Variants in RNF123 observed in about 807,000 individuals in gnomAD.
The protein encoded by RNF123 is E3 ubiquitin-protein ligase RNF123.
RNF123 carries 86 observed loss-of-function variants against 168.5 expected under a neutral mutation model. The observed-to-expected ratio is 0.51, with a 90% CI of 0.43 to 0.61. The LOEUF is 0.61. Ranked by LOEUF, RNF123 falls within the 20% of genes least tolerant of loss-of-function variation. The probability of loss-of-function intolerance (pLI) is 0.00; values close to 1 mark genes in which losing one functional copy is unlikely to be tolerated. For missense variants in RNF123, 1,419 were observed against 1,729.7 expected (o/e 0.82, Z 3.19); for synonymous variants, 666 against 689.1 (o/e 0.97, Z 0.52).
At chr3:49,695,848 G>C (rs557124067) in intron 3 of RNF123, among the ~76,000 whole-genome samples, 1 of 152,246 alleles carries the variant, frequency 6.6e-6, no homozygotes, top group African/African-American at 2.4e-5. Flanking sequence ...GCTCAGGACA[G>C]CACTGACTGG....
chr3:49,694,971 A>C (rs1309099768), intron 3 of RNF123, among the ~76,000 whole-genome samples: 1 of 152,198 alleles, frequency 6.6e-6, no homozygotes, highest in Non-Finnish European at 1.5e-5. Flanking sequence ...AGGTCAGGGA[A>C]GTTGCTGGTC....
intron 24 of RNF123, 24 bp from the exon 25 acceptor site, chr3:49,705,958 G>C: frequency 6.2e-7 from 1 of 1,611,056 alleles, no homozygotes; most frequent in Non-Finnish European, 8.5e-7. Flanking sequence ...GGGCACTCTG[G>C]ACATGTGGTC....
At chr3:49,709,209 G>A (rs1023479344) in intron 26 of RNF123, among the ~76,000 whole-genome samples, 3 of 151,890 alleles carry the variant, frequency 2.0e-5, no homozygotes, top group African/African-American at 7.3e-5. Context: ...TCGGCTCACG[G>A]CAGCCTCTGC....
chr3:49,718,525 G>A, intron 35 of RNF123: 2 of 1,613,162 alleles, frequency 1.2e-6, no homozygotes, highest in Non-Finnish European at 1.7e-6. Context: ...CTCCTGCTGC[G>A]GCGAAACCCA....
rs768498437 is a variant in RNF123 at position 49,713,533 on chromosome 3, C to T, written c.2695C>T (p.Arg899Cys). ...ELPGYEETLT[R>C]LAAILAKHFA... is the part of the protein sequence containing the mutation. ...TGCAGGCTATGAAGAGACCCTGACC[C>T]GCCTGGCTGCCATTCTCGCCAAACA... The change falls in exon 28 of 39, where the codon CGC becomes TGC. Residue 899 changes from arginine (R) to cysteine (C), a missense_variant. Around this residue, in one of 5 missense-constraint regions of RNF123, gnomAD observed 538 missense variants for 708.8 expected, o/e 0.76. Transcript: ENST00000327697. The T allele has an allele frequency of 6.8e-6, 11 of 1,611,130 alleles. No homozygotes were observed. Among genetic ancestry groups the T allele is most frequent in the Non-Finnish European group, 2.5e-6 (3 of 1,178,936 alleles).
At chr3:49,706,516 G>A (rs547974968) in intron 25 of RNF123, among the ~76,000 whole-genome samples, 44 of 152,342 alleles carry the variant, frequency 2.9e-4, no homozygotes, top group African/African-American at 9.9e-4. Context: ...GGGGAGCAGC[G>A]GTTCTGGCAT....
At chr3:49,708,243 C>T (rs563212768) in intron 26 of RNF123, among the ~76,000 whole-genome samples, 3 of 152,308 alleles carry the variant, frequency 2.0e-5, no homozygotes, top group South Asian at 2.1e-4. Flanking sequence ...GGGTTACAGG[C>T]GTGCGCCACT....
rs1231064360 is a variant in RNF123, at chr3:49,704,737, C to T, written c.1940C>T (p.Pro647Leu). ...AMDDLDEDEE[P>L]APAMAQRPMQ... ...GATGACCTAGATGAGGATGAGGAGC[C>T]AGCCCCAGCTATGGCCCAGGTGCCG... Residue 647 changes from proline to leucine, a missense_variant, in exon 22 of 39, where the codon CCA (proline) becomes CTA (leucine). By Grantham distance (98) the Pro-to-Leu change is moderately conservative (BLOSUM62 -3). Transcript: ENST00000327697. 6.9e-6 allele frequency: 11 copies of T among 1,585,170 alleles called. No homozygotes were observed. The highest frequency in any genetic ancestry group is 9.4e-6 in the Non-Finnish European group (11 of 1,165,358).
intron 3 of RNF123, among the ~76,000 whole-genome samples, chr3:49,696,130 A>G (rs1345199986): frequency 6.6e-6 from 1 of 152,150 alleles, no homozygotes; most frequent in Non-Finnish European, 1.5e-5. Context: ...GCCTAGGGGC[A>G]AGGGTTGGAC....
chr3:49,700,770 C>A, intron 15 of RNF123, 61 bp downstream of exon 15: 1 of 1,556,192 alleles, frequency 6.4e-7, no homozygotes, highest in Non-Finnish European at 8.9e-7. Context: ...TCAGCAGAGG[C>A]CAGGAAGGGG....
intron 21 of RNF123, among the ~76,000 whole-genome samples, chr3:49,704,084 GGA>G (rs2054464301): frequency 6.6e-6 from 1 of 152,210 alleles, no homozygotes; most frequent in African/African-American, 2.4e-5. Context: ...GTGCCATCAG[GGA>G]GAGGGGCTGC....
intron 16 of RNF123, 74 bp from the exon 17 acceptor site, chr3:49,701,737 G>C: frequency 6.8e-7 from 1 of 1,473,576 alleles, no homozygotes; most frequent in South Asian, 1.2e-5. Flanking sequence ...GATGGAGTGT[G>C]GGTGTTCTGA....
At chr3:49,719,239 A>G in intron 35 of RNF123, 1 of 1,613,126 alleles carries the variant, frequency 6.2e-7, no homozygotes, top group Non-Finnish European at 8.5e-7. Context: ...GCCGGGGCGC[A>G]GGCGCTGGAG....
At chr3:49,696,795 C>T (rs1373851407) in intron 3 of RNF123, among the ~76,000 whole-genome samples, 11 of 151,546 alleles carry the variant, frequency 7.3e-5, no homozygotes, top group African/African-American at 2.2e-4. Context: ...TATACGCATG[C>T]GCCACCACAC....
At position 49,705,555 on chromosome 3, in the gene RNF123, A is replaced by T; in HGVS notation, c.2180A>T (p.Glu727Val). Reference sequence around the variant, plus strand: ...CCAGTTGAAGGCAGCCACTGGAATGAGGGCTTGCTGCTGGGGCGGCCCCCC... The same window carrying T: ...CCAGTTGAAGGCAGCCACTGGAATGTGGGCTTGCTGCTGGGGCGGCCCCCC... ...REDIEGSHWNEGLLLGRPPEE... is the reference protein window; with the variant it reads ...REDIEGSHWNVGLLLGRPPEE... The change falls in exon 24 of 39, where the codon GAG (glutamate) becomes GTG (valine). Residue 727 changes from glutamate (E) to valine (V), a missense_variant. Coordinates refer to ENST00000327697, the MANE Select transcript of RNF123 (RefSeq NM_022064.5). The T allele has an allele frequency of 6.2e-7, 1 of 1,602,930 alleles. No homozygotes were observed.
chr3:49,703,409 C>G lies in RNF123; in HGVS notation c.1751-18C>G, dbSNP rs1476468262. 1 of 1,608,150 alleles carries G rather than the reference C, an allele frequency of 6.2e-7. No individual in the cohort carries two copies. The highest frequency in any genetic ancestry group is 1.7e-5 in the Admixed American group (1 of 59,918). ...ACTGGGCCGTGACCACTGGCCTAGCCTCCTCAATTCCTCGCAGAGGCCTAC... is the reference window on the plus strand; with the variant it reads ...ACTGGGCCGTGACCACTGGCCTAGCGTCCTCAATTCCTCGCAGAGGCCTAC... On this transcript the variant is annotated intron_variant, in intron 20 of 38. Transcript: ENST00000327697.
At chr3:49,703,021 C>G (rs2054438313) in intron 20 of RNF123, among the ~76,000 whole-genome samples, 1 of 152,226 alleles carries the variant, frequency 6.6e-6, no homozygotes, top group Admixed American at 6.5e-5. Flanking sequence ...TCCTTGCCCC[C>G]CCATTTCTCT....
intron 35 of RNF123, 61 bp downstream of exon 35, chr3:49,716,538 G>T: frequency 8.1e-6 from 11 of 1,366,262 alleles, no homozygotes; most frequent in East Asian, 4.6e-5. Context: ...GGAGGGGCTG[G>T]ACAGGGCCTC....
intron 26 of RNF123, among the ~76,000 whole-genome samples, chr3:49,711,823 C>T (rs1477488089): frequency 3.9e-5 from 6 of 152,172 alleles, no homozygotes. Context: ...CCACCAGTCA[C>T]ACTGCCCCCT....
Sources: gnomAD v4.1 joint callset for allele counts (sites outside exome capture counted in the v4.1 genomes callset) on GRCh38, gnomAD v4.1.1 for gene constraint, gnomAD v4.1.1 regional missense constraint, MANE v1.5 for transcripts, NCBI Gene and HGNC (gene_info 2026-07-23, HGNC 2026-07-21) for gene names.